The following FHOD3 variants were observed in gnomAD, a reference collection of about 807,000 sequenced individuals.
The protein encoded by FHOD3 is FH1/FH2 domain-containing protein 3.
In FHOD3, 90 loss-of-function variants were observed where a neutral mutation model predicts 173.0. The observed-to-expected ratio is 0.52, with a 90% confidence interval of 0.44 to 0.62. The LOEUF (loss-of-function observed/expected upper bound fraction) is 0.62. FHOD3 is among the 20% of genes least tolerant of loss of function. FHOD3 has a pLI of 0.00. For missense variants in FHOD3, 1,945 were observed against 2,034.7 expected (o/e 0.96, Z 0.85); for synonymous variants, 828 against 823.0 (o/e 1.01, Z -0.10).
In FHOD3 at chr18:36,442,325, C is replaced by T. The variant is rs368274411; in HGVS notation, c.338-59607C>T. On this transcript the variant is annotated intron_variant, in intron 3 of 28. Coordinates refer to ENST00000590592, the MANE Select transcript of FHOD3 (RefSeq NM_001281740.3). ...TATATTCTTGATAATGTTTATCATA[C>T]AGAAGATAAGATAATTTCCATATTT... is the stretch of plus-strand genomic sequence containing the variant. Among the ~76,000 whole-genome samples, 22 of 152,108 alleles carry T rather than the reference C, an allele frequency of 1.4e-4. No individual in the cohort carries two copies. In the East Asian group the frequency reaches 2.3e-3, roughly 16 times the overall value.
chr18:36,649,919 A>AT (rs1436721216), intron 11 of FHOD3, among the ~76,000 whole-genome samples: 1 of 152,202 alleles, frequency 6.6e-6, no homozygotes, highest in Non-Finnish European at 1.5e-5. Flanking sequence ...CCCAGTATTT[A>AT]TTTTCACACC....
chr18:36,514,014 C>CTTTTTTTTTTTTTTTTTTTTTTTTTTTTT (rs58493993), intron 5 of FHOD3, among the ~76,000 whole-genome samples: 1 of 104,640 alleles, frequency 9.6e-6, no homozygotes, highest in Non-Finnish European at 1.9e-5. Flanking sequence ...TATTTCTATT[C>CTTTTTTTTTTTTTTTTTTTTTTTTTTTTT]TTTTTTTTTT....
At chr18:36,509,426 C>CAAAAAAAAAAAAAAAA (rs34772691) in intron 4 of FHOD3, among the ~76,000 whole-genome samples, 1 of 54,852 alleles carries the variant, frequency 1.8e-5, no homozygotes, top group African/African-American at 7.0e-5. Flanking sequence ...GACTCCATCT[C>CAAAAAAAAAAAAAAAA]AAAAAAAAAA....
chr18:36,664,479 G>A (rs540771716), intron 14 of FHOD3, among the ~76,000 whole-genome samples: 3 of 152,282 alleles, frequency 2.0e-5, no homozygotes, highest in East Asian at 1.9e-4. Flanking sequence ...TCCAAAGCAC[G>A]CAAGAGAAGC....
At chr18:36,627,229 G>A (rs901579171) in intron 10 of FHOD3, among the ~76,000 whole-genome samples, 1 of 152,164 alleles carries the variant, frequency 6.6e-6, no homozygotes, top group Admixed American at 6.6e-5. Context: ...GAGAATTGAG[G>A]AAATTGTACA....
chr18:36,447,876 A>G (rs1221474077), intron 3 of FHOD3, among the ~76,000 whole-genome samples: 2 of 152,248 alleles, frequency 1.3e-5, no homozygotes, highest in African/African-American at 4.8e-5. Context: ...ATTAAAATGC[A>G]TATGAACAGG....
chr18:36,652,412 A>G (rs919317574), intron 11 of FHOD3, among the ~76,000 whole-genome samples, 158 bp from the exon 12 acceptor site: 2 of 152,258 alleles, frequency 1.3e-5, no homozygotes, highest in African/African-American at 4.8e-5. Flanking sequence ...TGCTGGTGAC[A>G]GGCTTTTATG....
At chr18:36,642,181 T>C (rs1223328813) in intron 10 of FHOD3, among the ~76,000 whole-genome samples, 2 of 152,076 alleles carry the variant, frequency 1.3e-5, no homozygotes, top group Non-Finnish European at 2.9e-5. Context: ...AAAAAATAAC[T>C]ATTAGATATT....
chr18:36,570,163 AAAAAG>A (rs1439341301), intron 5 of FHOD3, among the ~76,000 whole-genome samples: 1 of 152,098 alleles, frequency 6.6e-6, no homozygotes, highest in Non-Finnish European at 1.5e-5. Flanking sequence ...TGACAAATGA[AAAAAG>A]AGAAGATATG....
At chr18:36,632,030 C>G (rs2034552402) in intron 10 of FHOD3, among the ~76,000 whole-genome samples, 1 of 152,112 alleles carries the variant, frequency 6.6e-6, no homozygotes, top group African/African-American at 2.4e-5. Context: ...ACCAAACTTG[C>G]TGTAATGAAC....
chr18:36,340,165 AAGCTTT>A (rs1412921452), intron 1 of FHOD3, among the ~76,000 whole-genome samples: 3 of 152,232 alleles, frequency 2.0e-5, no homozygotes, highest in Non-Finnish European at 4.4e-5. Context: ...AAGTCCTTGA[AAGCTTT>A]ATGCAAGAGC....
rs954584015 is a variant in FHOD3, at chr18:36,684,494, T to TA, written c.1971-2624dup. On this transcript the variant is annotated intron_variant, in intron 15 of 28. Coordinates refer to ENST00000590592, the MANE Select transcript of FHOD3 (RefSeq NM_001281740.3). ...TGAAACAAATGAAAAGATGTCTCTG[T>TA]AAAAAAAAAATAAAAGATATAAAGA... Among the ~76,000 whole-genome samples, 1,382 of 147,122 alleles carry TA rather than the reference T, an allele frequency of 9.4e-3. 20 individuals are homozygous for TA. Among genetic ancestry groups the TA allele is most frequent in the African/African-American group, 0.03 (1,221 of 40,208 alleles).
In FHOD3 at chr18:36,465,117, C is replaced by T. The variant is rs1048845771; in HGVS notation, c.338-36815C>T. Among the ~76,000 whole-genome samples, 4 of 152,266 alleles carry T rather than the reference C, an allele frequency of 2.6e-5. No homozygotes were observed. The South Asian group carries it at 6.2e-4, about 24-fold the overall frequency. On this transcript the variant is annotated intron_variant, in intron 3 of 28. Coordinates refer to ENST00000590592, the MANE Select transcript of FHOD3 (RefSeq NM_001281740.3). ...CTGAGGAGGGCGGATCACTTCAGGA[C>T]AAGAGTTCGAGACCAGCCTGGCCAA...
At chr18:36,477,652 T>C (rs1466437906) in intron 3 of FHOD3, among the ~76,000 whole-genome samples, 2 of 151,798 alleles carry the variant, frequency 1.3e-5, no homozygotes, top group Non-Finnish European at 1.5e-5. Flanking sequence ...TCTGGAAAAA[T>C]ACATGGAATA....
chr18:36,310,858 GA>G (rs988728296), intron 1 of FHOD3, among the ~76,000 whole-genome samples: 5 of 152,102 alleles, frequency 3.3e-5, no homozygotes, highest in Non-Finnish European at 7.4e-5. Context: ...TGGGAGTCAG[GA>G]TCAGGCTCCA....
intron 1 of FHOD3, among the ~76,000 whole-genome samples, chr18:36,333,650 A>C (rs569775144): frequency 6.6e-6 from 1 of 152,332 alleles, no homozygotes; most frequent in Non-Finnish European, 1.5e-5. Context: ...CACAGCTCTC[A>C]AAGTGTGGTT....
intron 5 of FHOD3, among the ~76,000 whole-genome samples, chr18:36,564,969 A>G (rs929937759): frequency 6.6e-6 from 1 of 152,192 alleles, no homozygotes; most frequent in Non-Finnish European, 1.5e-5. Context: ...CTTTGTGCTG[A>G]TTAAATTCTT....
chr18:36,349,453 C>T (rs913974607), intron 1 of FHOD3, among the ~76,000 whole-genome samples: 2 of 152,156 alleles, frequency 1.3e-5, no homozygotes, highest in African/African-American at 2.4e-5. Context: ...TAAGCACTTG[C>T]GCTTTCCATT....
chr18:36,708,771 C>A (rs1056994329), intron 17 of FHOD3, among the ~76,000 whole-genome samples: 1 of 152,226 alleles, frequency 6.6e-6, no homozygotes, highest in Non-Finnish European at 1.5e-5. Context: ...GTGGCAGATC[C>A]TTCTCCTGCT....
Sources: allele counts gnomAD v4.1 joint callset (sites outside exome capture counted in the v4.1 genomes callset), GRCh38; gene constraint gnomAD v4.1.1; transcripts MANE v1.5; gene names NCBI Gene and HGNC (gene_info 2026-07-23, HGNC 2026-07-21).